ACYP2: variants seen among roughly 807,000 people sequenced by gnomAD.
ACYP2 encodes acylphosphatase-2.
In ACYP2, 12 loss-of-function variants were observed where a neutral mutation model predicts 11.2. The observed-to-expected ratio is 1.08, with a 90% CI of 0.69 to 1.74. The LOEUF is 1.74. Among genes scored for constraint, ACYP2 ranks in the 40% most tolerant of loss-of-function variants. ACYP2 has a pLI of 0.00. For missense variants in ACYP2, 134 were observed against 101.9 expected (o/e 1.31, Z -1.35); for synonymous variants, 43 against 32.2 (o/e 1.33, Z -1.13).
At chr2:54,248,887 C>T (rs921768452) in intron 6 of ACYP2, among the ~76,000 whole-genome samples, 4 of 152,092 alleles carry the variant, frequency 2.6e-5, no homozygotes, top group African/African-American at 9.7e-5. Flanking sequence ...GAAGATACGG[C>T]ATTTCAGTTT....
intron 6 of ACYP2, chr2:54,267,311 G>A (rs1817557): frequency 0.18 from 276,837 of 1,546,322 alleles, 26,431 homozygotes; most frequent in African/African-American, 0.35. Context: ...CATCAGCTCC[G>A]GAAGCTGGGT....
intron 2 of ACYP2, among the ~76,000 whole-genome samples, chr2:54,032,839 A>G (rs1674661144): frequency 1.3e-5 from 2 of 152,204 alleles, no homozygotes; most frequent in South Asian, 4.1e-4. Flanking sequence ...AACAAATGGA[A>G]GGAGATTCCA....
chr2:54,233,554 C>T (rs1384460170), intron 6 of ACYP2, among the ~76,000 whole-genome samples: 1 of 152,256 alleles, frequency 6.6e-6, no homozygotes, highest in East Asian at 1.9e-4. Flanking sequence ...GATCTGCCCA[C>T]CTTGGCCTCC....
At chr2:54,086,631 G>T (rs1280688920) in intron 4 of ACYP2, among the ~76,000 whole-genome samples, 1 of 152,208 alleles carries the variant, frequency 6.6e-6, no homozygotes, top group Non-Finnish European at 1.5e-5. Flanking sequence ...ACATCAAGGA[G>T]CTGGAACTAG....
chr2:54,014,712 T>C (rs1387121173), intron 2 of ACYP2, among the ~76,000 whole-genome samples: 1 of 152,140 alleles, frequency 6.6e-6, no homozygotes, highest in African/African-American at 2.4e-5. Context: ...CAAACTATAA[T>C]AATAAATTTG....
intron 2 of ACYP2, among the ~76,000 whole-genome samples, chr2:53,984,386 T>G (rs1671913218): frequency 6.6e-6 from 1 of 151,872 alleles, no homozygotes; most frequent in Non-Finnish European, 1.5e-5. Context: ...GAGACTAGCC[T>G]GGCCAGCATG....
intron 6 of ACYP2, among the ~76,000 whole-genome samples, chr2:54,242,795 G>A (rs960419728): frequency 6.6e-6 from 1 of 152,138 alleles, no homozygotes; most frequent in African/African-American, 2.4e-5. Context: ...ATCCTAGGTG[G>A]GTAGTAAGCT....
At chr2:53,997,551 TCTC>T (rs59321138) in intron 2 of ACYP2, among the ~76,000 whole-genome samples, 45,861 of 151,668 alleles carry the variant, frequency 0.3, 7,521 homozygotes, top group South Asian at 0.48. Flanking sequence ...GGTGATCCAC[TCTC>T]CTCGGCCTCC....
At chr2:54,133,812 C>T (rs1169692547) in intron 4 of ACYP2, among the ~76,000 whole-genome samples, 1 of 152,186 alleles carries the variant, frequency 6.6e-6, no homozygotes, top group African/African-American at 2.4e-5. Context: ...TGGAACCAGC[C>T]TGTCTCTTGT....
intron 4 of ACYP2, among the ~76,000 whole-genome samples, chr2:54,132,664 T>G (rs933903689): frequency 4.6e-5 from 7 of 152,266 alleles, no homozygotes; most frequent in African/African-American, 1.7e-4. Context: ...CCCAGTGTAT[T>G]TTTTCCCAAT....
chr2:54,054,253 C>T (rs1676008004), intron 3 of ACYP2, among the ~76,000 whole-genome samples: 1 of 152,130 alleles, frequency 6.6e-6, no homozygotes, highest in African/African-American at 2.4e-5. Flanking sequence ...TAAAATTCAC[C>T]TTCTTTTCAT....
chr2:54,284,475 A>C (rs1688992879), intron 6 of ACYP2, among the ~76,000 whole-genome samples: 1 of 151,614 alleles, frequency 6.6e-6, no homozygotes. Flanking sequence ...CCCTTATTTC[A>C]TTCTCCTGTG....
Position 54,126,029 on chromosome 2 carries a change from G to A in ACYP2, c.278-9424G>A, listed in dbSNP as rs576406887. On this transcript the variant is annotated intron_variant, in intron 4 of 6. Transcript: ENST00000607452. The stretch of plus-strand genomic sequence containing the variant: ...CTGGGAGAAGGAGGTTGCAGTGAGC[G>A]GAGATTGCACCACTGCACTCCAGCC... Among the ~76,000 whole-genome samples, 6 of 151,922 alleles carry A rather than the reference G, an allele frequency of 3.9e-5. No individual in the cohort carries two copies. In the East Asian group the frequency reaches 5.8e-4, roughly 15 times the overall value.
At chr2:54,236,418 C>T (rs1686478930) in intron 6 of ACYP2, among the ~76,000 whole-genome samples, 1 of 152,134 alleles carries the variant, frequency 6.6e-6, no homozygotes, top group Non-Finnish European at 1.5e-5. Context: ...TCAAAATGGG[C>T]TCTAATTTCC....
At chr2:54,014,968 A>G (rs755930021) in intron 2 of ACYP2, among the ~76,000 whole-genome samples, 50 of 152,064 alleles carry the variant, frequency 3.3e-4, no homozygotes, top group Non-Finnish European at 3.8e-4. Context: ...TCAATATTAT[A>G]TTGTAGTAGA....
intron 6 of ACYP2, among the ~76,000 whole-genome samples, chr2:54,158,454 C>T (rs757600697): frequency 6.6e-6 from 1 of 152,112 alleles, no homozygotes; most frequent in Admixed American, 6.6e-5. Flanking sequence ...AATCCTCCAG[C>T]CTTGACCTCT....
chr2:53,985,593 T>C (rs965505297), intron 2 of ACYP2, among the ~76,000 whole-genome samples: 9 of 152,148 alleles, frequency 5.9e-5, no homozygotes, highest in African/African-American at 1.4e-4. Flanking sequence ...TATCAACATA[T>C]CAACAGTATA....
At chr2:54,124,455 C>G (rs1558547352) in intron 4 of ACYP2, among the ~76,000 whole-genome samples, 1 of 152,142 alleles carries the variant, frequency 6.6e-6, no homozygotes, top group African/African-American at 2.4e-5. Flanking sequence ...CTCGGCCTCC[C>G]AAAGTGCTGG....
intron 6 of ACYP2, among the ~76,000 whole-genome samples, chr2:54,250,692 T>C (rs1460593831): frequency 6.6e-6 from 1 of 152,238 alleles, no homozygotes; most frequent in African/African-American, 2.4e-5. Flanking sequence ...CTCTACTCTT[T>C]ATGTAAAAGA....
Sources: gnomAD v4.1 joint callset for allele counts (sites outside exome capture counted in the v4.1 genomes callset) on GRCh38, gnomAD v4.1.1 for gene constraint, MANE v1.5 for transcripts, NCBI Gene and HGNC (gene_info 2026-07-23, HGNC 2026-07-21) for gene names.